DOCK9: variants seen among roughly 807,000 people sequenced by gnomAD.
DOCK9 encodes the protein dedicator of cytokinesis protein 9.
In DOCK9, 89 loss-of-function variants were observed where a neutral mutation model predicts 263.3. The ratio of observed to expected loss-of-function variants is 0.34; its 90% CI spans 0.28 to 0.40. DOCK9 has a LOEUF of 0.40. Ranked by LOEUF, DOCK9 falls within the 10% of genes least tolerant of loss-of-function variation. The pLI, the probability that DOCK9 is intolerant of heterozygous loss-of-function variation, is 1.00. For missense variants in DOCK9, 2,140 were observed against 2,603.4 expected, an observed-to-expected ratio of 0.82 and a Z score of 3.87; for synonymous variants, 976 against 973.1, an observed-to-expected ratio of 1.00 and a Z score of -0.06.
intron 13 of DOCK9, among the ~76,000 whole-genome samples, chr13:98,899,013 T>A (rs1478491386): frequency 1.3e-5 from 2 of 152,146 alleles, no homozygotes; most frequent in African/African-American, 4.8e-5. Context: ...AAAGTTTGAT[T>A]GTCTCAGAGT....
Position 98,829,572 on chromosome 13 carries a change from G to C in DOCK9, c.4750-50C>G, listed in dbSNP as rs1277494104. Reference sequence around the variant, plus strand: ...GGACACATGGCTTCCTCTGTTTGCTGCCTGTCCACAAGCACCTCAGGTGCT... The same window carrying C: ...GGACACATGGCTTCCTCTGTTTGCTCCCTGTCCACAAGCACCTCAGGTGCT... On this transcript the variant is annotated intron_variant, in intron 42 of 52. Coordinates refer to ENST00000682017, the MANE Select transcript of DOCK9 (RefSeq NM_001366683.2). The surrounding 1 kb of genome is among the most constrained non-coding windows in gnomAD (Gnocchi z 4.1). The C allele has an allele frequency of 6.3e-7, 1 of 1,587,302 alleles. No homozygotes were observed. Among genetic ancestry groups the C allele is most frequent in the Admixed American group, 1.8e-5 (1 of 55,930 alleles).
chr13:98,968,875 C>G (rs2059453030), intron 1 of DOCK9, among the ~76,000 whole-genome samples: 1 of 152,194 alleles, frequency 6.6e-6, no homozygotes, highest in Admixed American at 6.5e-5. Context: ...CTCCAATAGG[C>G]CCCTCCTTTC....
At chr13:98,861,041 GA>G (rs1419551866) in intron 32 of DOCK9, among the ~76,000 whole-genome samples, 1 of 152,144 alleles carries the variant, frequency 6.6e-6, no homozygotes, top group Non-Finnish European at 1.5e-5. Context: ...TTACTTTGGT[GA>G]AAGTGTTCAT....
At chr13:98,973,546 C>T (rs529467276) in intron 1 of DOCK9, among the ~76,000 whole-genome samples, 1 of 152,332 alleles carries the variant, frequency 6.6e-6, no homozygotes, top group Non-Finnish European at 1.5e-5. Flanking sequence ...CTGCTTTTAA[C>T]ACTTGAGGAT....
chr13:99,051,372 G>A (rs2040687533), intron 1 of DOCK9, among the ~76,000 whole-genome samples: 1 of 152,062 alleles, frequency 6.6e-6, no homozygotes, highest in Admixed American at 6.6e-5. Context: ...CCCTGAAGCA[G>A]ACAGAGCCTG....
At chr13:99,052,136 TG>T (rs2040726723) in intron 1 of DOCK9, among the ~76,000 whole-genome samples, 1 of 152,202 alleles carries the variant, frequency 6.6e-6, no homozygotes, top group African/African-American at 2.4e-5. Context: ...CTATCAGAGC[TG>T]GGGGCTTCTA....
chr13:99,064,223 T>C (rs9554547), intron 1 of DOCK9, among the ~76,000 whole-genome samples: 80,086 of 152,024 alleles, frequency 0.53, 21,360 homozygotes, highest in South Asian at 0.68. Flanking sequence ...CCATTTTCTA[T>C]GGGATGGCCA....
chr13:99,042,092 G>T (rs771508893), intron 1 of DOCK9, among the ~76,000 whole-genome samples: 5 of 152,210 alleles, frequency 3.3e-5, no homozygotes, highest in Non-Finnish European at 5.9e-5. Context: ...GACCAATATG[G>T]TTAACATGGG....
Position 98,824,481 on chromosome 13 carries a change from C to A in DOCK9, c.5047G>T (p.Ala1683Ser), listed in dbSNP as rs762671584. 2 of 1,613,590 alleles carry A rather than the reference C, an allele frequency of 1.2e-6. No homozygotes were observed. Among genetic ancestry groups the A allele is most frequent in the African/African-American group, 1.3e-5 (1 of 74,876 alleles). Residue 1683 changes from alanine (A) to serine (S), a missense_variant, in exon 45 of 53, where the codon GCC (alanine) becomes TCC (serine). Around this residue, in one of 2 missense-constraint regions of DOCK9, gnomAD observed 619 missense variants for 861.8 expected, o/e 0.72. Transcript: ENST00000682017. The stretch of plus-strand genomic sequence containing the variant: ...ATGTTTGGGGTAATGACCCTGAAGG[C>A]GGTGCATCCTTGTCTAAACACGCCT... ...RKGVFRQGCT[A>S]FRVITPNIDE...
intron 52 of DOCK9, among the ~76,000 whole-genome samples, chr13:98,795,032 T>A (rs987986274): frequency 2.0e-5 from 3 of 152,214 alleles, no homozygotes; most frequent in African/African-American, 7.2e-5. Flanking sequence ...ATGTTCAGCT[T>A]ATCTCATAAA....
intron 1 of DOCK9, among the ~76,000 whole-genome samples, chr13:98,989,316 A>ATG (rs1879212901): frequency 7.2e-6 from 1 of 138,156 alleles, no homozygotes; most frequent in Non-Finnish European, 1.5e-5. Context: ...AATTAATAAT[A>ATG]ATGATGATGA....
chr13:98,924,536 T>C (rs2052606515), intron 4 of DOCK9, among the ~76,000 whole-genome samples: 1 of 152,230 alleles, frequency 6.6e-6, no homozygotes, highest in Non-Finnish European at 1.5e-5. Flanking sequence ...CCACCAAAAC[T>C]CAGATTGAAA....
At chr13:98,885,271 T>C in intron 20 of DOCK9, 179 bp from the exon 21 acceptor site, 1 of 841,290 alleles carries the variant, frequency 1.2e-6, no homozygotes, top group Non-Finnish European at 1.8e-6. Context: ...TACTTAGGCC[T>C]TTTCGGGGTT....
At chr13:98,968,463 T>C (rs551991965) in intron 1 of DOCK9, among the ~76,000 whole-genome samples, 2 of 152,062 alleles carry the variant, frequency 1.3e-5, no homozygotes, top group South Asian at 2.1e-4. Flanking sequence ...CTACTAAAAA[T>C]ACAAAAACCA....
At chr13:98,798,301 T>G (rs909456403) in intron 50 of DOCK9, among the ~76,000 whole-genome samples, 21 of 152,128 alleles carry the variant, frequency 1.4e-4, no homozygotes, top group African/African-American at 4.6e-4. Flanking sequence ...GAGCTCCCCG[T>G]GTGTGGTTCT....
In DOCK9 at chr13:98,868,331, T is replaced by C; in HGVS notation, c.2990A>G (p.Glu997Gly). 6.2e-7 allele frequency: 1 copy of C among 1,613,886 alleles called. No homozygotes were observed. The highest frequency in any genetic ancestry group is 8.5e-7 in the Non-Finnish European group (1 of 1,179,850). The stretch of plus-strand genomic sequence containing the variant: ...TGGCATCAGCATATTTACAACGGTT[T>C]CCACTGCATGATGATAGGATGCAGG... ...RFPASYHHAV[E>G]TVVNMLMPHI... Residue 997 changes from glutamate (E) to glycine (G), a missense_variant, in exon 28 of 53, where the codon GAA (glutamate) becomes GGA (glycine). By Grantham distance (98) the Glu-to-Gly change is moderately conservative (BLOSUM62 -2). Around this residue, in one of 2 missense-constraint regions of DOCK9, gnomAD observed 1,521 missense variants for 1,741.7 expected, o/e 0.87. Transcript: ENST00000682017.
chr13:98,900,517 G>C (rs1217942312), intron 13 of DOCK9, among the ~76,000 whole-genome samples: 5 of 152,180 alleles, frequency 3.3e-5, no homozygotes, highest in African/African-American at 1.2e-4. Context: ...CAGCCAAAAA[G>C]GCTTACTGTT....
In DOCK9 at chr13:99,043,521, G is replaced by A. The variant is rs115541054; in HGVS notation, c.129+42702C>T. 5.6e-3 allele frequency among the ~76,000 whole-genome samples: 854 copies of A among 152,268 alleles called. 8 individuals carry two copies. The highest frequency in any genetic ancestry group is 0.019 in the African/African-American group (796 of 41,554). ...AGTCAGCCCCTCTAGCTTTCCATCA[G>A]TTGCCATGCAGAACCCAGGAGCAGA... On this transcript the variant is annotated intron_variant, in intron 1 of 32. Coordinates refer to the DOCK9 transcript ENST00000427887.
chr13:98,995,784 G>A lies in DOCK9; in HGVS notation c.130-40233C>T, dbSNP rs199702816. ...ATTACAGGTGTGAGCCACTGCGCCCGGCCGGAAGATACTTTTAAACATGGC... is the reference window on the plus strand; with the variant it reads ...ATTACAGGTGTGAGCCACTGCGCCCAGCCGGAAGATACTTTTAAACATGGC... On this transcript the variant is annotated intron_variant, in intron 1 of 32. Coordinates refer to the DOCK9 transcript ENST00000427887. 5.9e-5 allele frequency among the ~76,000 whole-genome samples: 9 copies of A among 152,076 alleles called. No homozygotes were observed. The East Asian group carries it at 9.6e-4, about 16-fold the overall frequency.
Sources: gnomAD v4.1 joint callset for allele counts (sites outside exome capture counted in the v4.1 genomes callset) on GRCh38, gnomAD v4.1.1 for gene constraint, gnomAD v4.1.1 regional missense constraint, Gnocchi (gnomAD v3.1) non-coding constraint, MANE v1.5 for transcripts, NCBI Gene and HGNC (gene_info 2026-07-23, HGNC 2026-07-21) for gene names.